The following TRDN variants were observed in gnomAD, a reference collection of about 807,000 sequenced individuals.
TRDN encodes the protein triadin, also known as triadin in skeletal muscle.
In TRDN, 161 loss-of-function variants were observed where a neutral mutation model predicts 149.7. The ratio of observed to expected loss-of-function variants is 1.08; its 90% CI spans 0.95 to 1.23. The LOEUF is 1.23. TRDN is among the 50% of genes most tolerant of loss of function. The pLI, the probability that TRDN is intolerant of heterozygous loss-of-function variation, is 0.00. For synonymous variants in TRDN, 294 were observed against 250.5 expected, an observed-to-expected ratio of 1.17 and a Z score of -1.64; for missense variants, 896 against 823.5, an observed-to-expected ratio of 1.09 and a Z score of -1.08.
intron 12 of TRDN, 101 bp from the exon 13 acceptor site, chr6:123,393,778 G>A (rs1772606679): frequency 4.3e-6 from 5 of 1,173,464 alleles, no homozygotes; most frequent in Non-Finnish European, 6.0e-6. Flanking sequence ...AGCATAAAAA[G>A]TGTTGCTTTT....
chr6:123,410,337 T>C (rs746401445), intron 12 of TRDN, among the ~76,000 whole-genome samples: 1 of 152,134 alleles, frequency 6.6e-6, no homozygotes, highest in African/African-American at 2.4e-5. Context: ...CAGAACACCA[T>C]GCATTTTCTC....
intron 23 of TRDN, among the ~76,000 whole-genome samples, chr6:123,326,960 C>T (rs1284904638): frequency 6.6e-6 from 1 of 152,020 alleles, no homozygotes; most frequent in East Asian, 1.9e-4. Context: ...GATTTGCTCT[C>T]TTTGTGTCTT....
At chr6:123,387,082 A>T (rs1342679434) in intron 14 of TRDN, among the ~76,000 whole-genome samples, 1 of 152,170 alleles carries the variant, frequency 6.6e-6, no homozygotes, top group Non-Finnish European at 1.5e-5. Flanking sequence ...AAGCCACTCA[A>T]TATTTTAAAT....
At chr6:123,514,496 T>C (rs1779331180) in intron 6 of TRDN, among the ~76,000 whole-genome samples, 1 of 152,222 alleles carries the variant, frequency 6.6e-6, no homozygotes, top group Non-Finnish European at 1.5e-5. Context: ...AATCTAAACA[T>C]ATGCACACAT....
At chr6:123,633,939 T>C (rs551303804) in intron 1 of TRDN, among the ~76,000 whole-genome samples, 56 of 152,134 alleles carry the variant, frequency 3.7e-4, no homozygotes, top group African/African-American at 1.3e-3. Context: ...TCATATAATC[T>C]GTATGAGCCT....
intron 6 of TRDN, among the ~76,000 whole-genome samples, chr6:123,514,874 G>A (rs1341695693): frequency 6.6e-6 from 1 of 151,598 alleles, no homozygotes; most frequent in Non-Finnish European, 1.5e-5. Context: ...AAGTGGGAGT[G>A]AACAATGAGA....
At chr6:123,600,844 G>C (rs1176964956) in intron 1 of TRDN, among the ~76,000 whole-genome samples, 1 of 152,034 alleles carries the variant, frequency 6.6e-6, no homozygotes, top group Non-Finnish European at 1.5e-5. Flanking sequence ...CTAGAGAAAA[G>C]AATTCTGCCT....
rs557637794 is a variant in TRDN, at chr6:123,620,651, T to G, written c.22+16103A>C. ...GGCAGAGTTAGGCTTTCCACCTCAG[T>G]AAAACCTCCTTCCGTTAAATTGAAT... On this transcript the variant is annotated intron_variant, in intron 1 of 40. Coordinates refer to ENST00000334268, the MANE Select transcript of TRDN (RefSeq NM_006073.4). Among the ~76,000 whole-genome samples, 3 of 152,246 alleles carry G rather than the reference T, an allele frequency of 2.0e-5. No homozygotes were observed. The East Asian group carries it at 5.8e-4, about 29-fold the overall frequency.
intron 25 of TRDN, 98 bp downstream of exon 25, chr6:123,278,958 C>T: frequency 8.9e-7 from 1 of 1,125,280 alleles, no homozygotes. Context: ...AAATATTCAA[C>T]ATGAAATCAA....
intron 9 of TRDN, among the ~76,000 whole-genome samples, chr6:123,488,131 C>T (rs1467458594): frequency 6.6e-6 from 1 of 152,108 alleles, no homozygotes; most frequent in East Asian, 1.9e-4. Flanking sequence ...ACTCACTGTC[C>T]TAGTGACCCC....
At position 123,408,810 on chromosome 6, in the gene TRDN, C is replaced by T. The variant is rs377709528; in HGVS notation, c.1052-15133G>A. ...AGAGCATATCTTTAAGAGTAATAAT[C>T]TCTGACAAGAAAAATCATTTTACGA... On this transcript the variant is annotated intron_variant, in intron 12 of 40. Transcript: ENST00000334268. Among the ~76,000 whole-genome samples, 148 of 152,168 alleles carry T rather than the reference C, an allele frequency of 9.7e-4. 2 individuals carry two copies. In the South Asian group the frequency reaches 0.022, roughly 23 times the overall value.
intron 7 of TRDN, among the ~76,000 whole-genome samples, chr6:123,508,570 T>C (rs1779031921): frequency 2.0e-5 from 3 of 152,180 alleles, no homozygotes; most frequent in African/African-American, 7.2e-5. Context: ...CTTTTCATCA[T>C]TGTTTTCTTC....
Position 123,402,895 on chromosome 6 carries a change from T to C in TRDN, c.1052-9218A>G, listed in dbSNP as rs184463427. 1.1e-3 allele frequency among the ~76,000 whole-genome samples: 175 copies of C among 152,352 alleles called. 1 individual carries two copies. Among genetic ancestry groups the C allele is most frequent in the African/African-American group, 3.5e-3 (144 of 41,588 alleles). Reference sequence around the variant, plus strand: ...GTTCAAATAAGACAGATTTTGGACTTGATAAACAGAATAGGTTTTAACATA... The same window carrying C: ...GTTCAAATAAGACAGATTTTGGACTCGATAAACAGAATAGGTTTTAACATA... On this transcript the variant is annotated intron_variant, in intron 12 of 40. Coordinates refer to ENST00000334268, the MANE Select transcript of TRDN (RefSeq NM_006073.4).
chr6:123,581,533 G>C (rs2114579592), intron 1 of TRDN, among the ~76,000 whole-genome samples: 1 of 152,288 alleles, frequency 6.6e-6, no homozygotes, highest in Non-Finnish European at 1.5e-5. Context: ...AAAGTGTCAT[G>C]TTAAATAACC....
intron 22 of TRDN, among the ~76,000 whole-genome samples, chr6:123,336,470 A>G (rs2114735514): frequency 6.6e-6 from 1 of 152,036 alleles, no homozygotes; most frequent in East Asian, 1.9e-4. Context: ...CAAACTCTTC[A>G]CCTTCTCATT....
intron 24 of TRDN, among the ~76,000 whole-genome samples, chr6:123,279,821 A>G (rs1777519315): frequency 6.6e-6 from 1 of 152,086 alleles, no homozygotes; most frequent in Non-Finnish European, 1.5e-5. Context: ...TGTATGCTCT[A>G]CTGTAATGAG....
At chr6:123,407,185 G>A (rs1433539805) in intron 12 of TRDN, among the ~76,000 whole-genome samples, 1 of 152,064 alleles carries the variant, frequency 6.6e-6, no homozygotes, top group Non-Finnish European at 1.5e-5. Context: ...TCACCCAAGG[G>A]GTGAAGAGAA....
chr6:123,499,166 A>C lies in TRDN; in HGVS notation c.794-1914T>G, dbSNP rs117044377. On this transcript the variant is annotated intron_variant, in intron 8 of 40. Transcript: ENST00000334268. ...ACAGCAAATAAGAGTGTTTGTTTTT[A>C]TGTATGTTGGAAGTTTAGAATGCAG... Among the ~76,000 whole-genome samples, 1,128 of 152,266 alleles carry C rather than the reference A, an allele frequency of 7.4e-3. 16 individuals carry two copies. The highest frequency in any genetic ancestry group is 0.017 in the Middle Eastern group (5 of 294).
At chr6:123,369,296 C>T (rs1781232424) in intron 19 of TRDN, among the ~76,000 whole-genome samples, 1 of 152,186 alleles carries the variant, frequency 6.6e-6, no homozygotes, top group Non-Finnish European at 1.5e-5. Flanking sequence ...AGCATGACCT[C>T]ATCTTAACTT....
Sources: allele counts gnomAD v4.1 joint callset (sites outside exome capture counted in the v4.1 genomes callset), GRCh38; gene constraint gnomAD v4.1.1; transcripts MANE v1.5; gene names NCBI Gene and HGNC (gene_info 2026-07-23, HGNC 2026-07-21).